Variants in NAPEPLD observed in about 807,000 individuals in gnomAD.
NAPEPLD encodes the protein N-acyl phosphatidylethanolamine phospholipase D, also known as N-acyl-phosphatidylethanolamine-hydrolyzing phospholipase D.
NAPEPLD carries 23 observed loss-of-function variants against 38.1 expected under a neutral mutation model. That is an observed-to-expected ratio of 0.60 (90% CI 0.43 to 0.86). The LOEUF (loss-of-function observed/expected upper bound fraction) is 0.86, where lower values mean the gene tolerates loss of function less well. Among genes scored for constraint, NAPEPLD ranks in the 40% least tolerant of loss-of-function variants. NAPEPLD has a pLI of 0.00. For missense variants in NAPEPLD, 411 were observed against 476.8 expected, an observed-to-expected ratio of 0.86 and a Z score of 1.28; for synonymous variants, 147 against 162.0, an observed-to-expected ratio of 0.91 and a Z score of 0.71.
rs1802648210 is a variant in NAPEPLD at position 103,103,237 on chromosome 7, T to C, written c.*192A>G. 3 of 499,798 alleles carry C rather than the reference T, an allele frequency of 6.0e-6. No homozygotes were observed. Among genetic ancestry groups the C allele is most frequent in the Non-Finnish European group, 1.0e-5 (3 of 300,926 alleles). The allele number at this position is 499,798 out of a possible 1,614,324, so 31.0% of individuals were successfully genotyped here. On this transcript the variant is annotated 3_prime_UTR_variant, in exon 5 of 5. Coordinates refer to ENST00000465647, the MANE Select transcript of NAPEPLD (RefSeq NM_001122838.3). The stretch of plus-strand genomic sequence containing the variant: ...ATTCATTATTTAAATGACCCACCCC[T>C]GAACCCTCTCATAGTGTACATGAGC...
At chr7:103,110,184 A>C (rs10261182) in intron 4 of NAPEPLD, among the ~76,000 whole-genome samples, 4,096 of 152,270 alleles carry the variant, frequency 0.027, 202 homozygotes, top group African/African-American at 0.093. Context: ...ATTCCAAACA[A>C]TAGAAAAAGA....
At chr7:103,135,523 T>TC (rs1809845257) in intron 1 of NAPEPLD, among the ~76,000 whole-genome samples, 1 of 152,084 alleles carries the variant, frequency 6.6e-6, no homozygotes, top group African/African-American at 2.4e-5. Flanking sequence ...ACAACATTCA[T>TC]CAACCAAAAA....
chr7:103,133,800 C>A (rs571286384), intron 1 of NAPEPLD, among the ~76,000 whole-genome samples: 30 of 152,274 alleles, frequency 2.0e-4, no homozygotes, highest in Non-Finnish European at 1.2e-4. Context: ...TGATTTCAGG[C>A]CAACACCAAC....
At chr7:103,141,928 G>A (rs901259102) in intron 1 of NAPEPLD, 1 of 976,700 alleles carries the variant, frequency 1.0e-6, no homozygotes, top group Admixed American at 1.7e-5. Flanking sequence ...TCTGAAGCCT[G>A]AGCATACTCA....
chr7:103,114,864 GT>G (rs11332590), intron 4 of NAPEPLD, among the ~76,000 whole-genome samples, 195 bp downstream of exon 4: 132,207 of 150,904 alleles, frequency 0.88, 60,537 homozygotes, highest in East Asian at 1. Context: ...AGGTTGTGTT[GT>G]TTTTTTTTTC....
intron 2 of NAPEPLD, among the ~76,000 whole-genome samples, chr7:103,125,569 C>T (rs1004728302): frequency 6.6e-6 from 1 of 151,970 alleles, no homozygotes; most frequent in Non-Finnish European, 1.5e-5. Flanking sequence ...TACGACTCTA[C>T]GAGACACAAG....
intron 1 of NAPEPLD, among the ~76,000 whole-genome samples, chr7:103,143,555 T>C (rs1224156929): frequency 6.6e-6 from 1 of 152,106 alleles, no homozygotes; most frequent in Admixed American, 6.5e-5. Context: ...AGAAGTCTCC[T>C]TAAGGGAAAG....
intron 3 of NAPEPLD, 33 bp from the exon 4 acceptor site, chr7:103,115,207 CT>C: frequency 6.7e-7 from 1 of 1,486,500 alleles, no homozygotes. Context: ...TAATTCTGAC[CT>C]TTGAGATATA....
rs1802517545 is a variant in NAPEPLD at position 103,102,286 on chromosome 7, C to T, written c.*1143G>A. On this transcript the variant is annotated 3_prime_UTR_variant, in exon 5 of 5. Transcript: ENST00000465647. ...TTCTAGATTTAAAAACAGAAAATGG[C>T]ATAAATCATATTCTCATAGCCACAC... The T allele has an allele frequency of 6.6e-6, 1 of 151,968 alleles. No individual in the cohort carries two copies. The highest frequency in any genetic ancestry group is 2.4e-5 in the African/African-American group (1 of 41,378). The allele number at this position is 151,968 out of a possible 1,614,324, so 9.4% of individuals were successfully genotyped here.
chr7:103,107,707 A>C (rs1485952494), intron 4 of NAPEPLD, among the ~76,000 whole-genome samples: 1 of 151,906 alleles, frequency 6.6e-6, no homozygotes, highest in Non-Finnish European at 1.5e-5. Flanking sequence ...GAGAAAAAAG[A>C]GTGACAAGAA....
chr7:103,118,844 C>T lies in NAPEPLD; in HGVS notation c.941+733G>A, dbSNP rs368780527. ...GGTGTCCAATGAGAGTGTGACCTTTCGCTGCTCTGAAATAGGTCAATAGTA... is the reference window on the plus strand; with the variant it reads ...GGTGTCCAATGAGAGTGTGACCTTTTGCTGCTCTGAAATAGGTCAATAGTA... On this transcript the variant is annotated intron_variant, in intron 3 of 4. Coordinates refer to ENST00000465647, the MANE Select transcript of NAPEPLD (RefSeq NM_001122838.3). 2.6e-5 allele frequency among the ~76,000 whole-genome samples: 4 copies of T among 152,258 alleles called. No homozygotes were observed. In the East Asian group the frequency reaches 5.8e-4, roughly 22 times the overall value.
chr7:103,101,475 T>G lies in NAPEPLD; in HGVS notation c.*1954A>C, dbSNP rs1040817097. 6.6e-6 allele frequency: 1 copy of G among 152,540 alleles called. No homozygotes were observed. Among genetic ancestry groups the G allele is most frequent in the African/African-American group, 2.4e-5 (1 of 41,458 alleles). The allele number at this position is 152,540 out of a possible 1,614,324, so 9.4% of individuals were successfully genotyped here. A position where few individuals can be genotyped will look rare whatever the true frequency, so the allele number is the denominator to read the frequency against. The stretch of plus-strand genomic sequence containing the variant: ...GTTTTCAATGTTTAGTCTCCTAATA[T>G]ATAATGCTTAAATTTGCAACAGGAA... On this transcript the variant is annotated 3_prime_UTR_variant, in exon 5 of 5. Coordinates refer to ENST00000465647, the MANE Select transcript of NAPEPLD (RefSeq NM_001122838.3).
At chr7:103,112,362 A>G (rs1160107609) in intron 4 of NAPEPLD, among the ~76,000 whole-genome samples, 1 of 152,216 alleles carries the variant, frequency 6.6e-6, no homozygotes, top group Non-Finnish European at 1.5e-5. Context: ...CCAAATGCCC[A>G]TCAATGATAG....
At chr7:103,143,749 T>C (rs1811971852) in intron 1 of NAPEPLD, among the ~76,000 whole-genome samples, 1 of 152,192 alleles carries the variant, frequency 6.6e-6, no homozygotes, top group African/African-American at 2.4e-5. Context: ...TGAGCAATCT[T>C]TCAAATCACA....
rs201063225 is a variant in NAPEPLD, at chr7:103,103,458, A to G, written c.1153T>C (p.Tyr385His). 1.3e-6 allele frequency: 2 copies of G among 1,585,016 alleles called. No homozygotes were observed. Among genetic ancestry groups the G allele is most frequent in the East Asian group, 2.3e-5 (1 of 43,420 alleles). ...AAGTTTTCATCATCATTATTTAGGTATCTTGATTCTCCATGCTTCAAGACA... is the reference window on the plus strand; with the variant it reads ...AAGTTTTCATCATCATTATTTAGGTGTCTTGATTCTCCATGCTTCAAGACA... ...FFVLKHGESRYLNNDDENF is the reference protein window; with the variant it reads ...FFVLKHGESRHLNNDDENF Residue 385 changes from tyrosine (Y) to histidine (H), a missense_variant, in exon 5 of 5, where the codon TAC (tyrosine) becomes CAC (histidine). Transcript: ENST00000465647.
At chr7:103,120,344 T>G (rs1020744918) in intron 2 of NAPEPLD, 121 bp from the exon 3 acceptor site, 5 of 1,032,336 alleles carry the variant, frequency 4.8e-6, no homozygotes, top group Non-Finnish European at 6.8e-6. Context: ...CTAAAGTCAT[T>G]CAATAAACTT....
At position 103,100,183 on chromosome 7, in the gene NAPEPLD, G is replaced by A. The variant is rs1802198326; in HGVS notation, c.*3246C>T. 6.6e-6 allele frequency: 1 copy of A among 152,014 alleles called. No homozygotes were observed. The highest frequency in any genetic ancestry group is 6.6e-5 in the Admixed American group (1 of 15,260). 9.4% of individuals were successfully genotyped at this position (152,014 alleles called of 1,614,324 possible). A position where few individuals can be genotyped will look rare whatever the true frequency, so the allele number is the denominator to read the frequency against. On this transcript the variant is annotated 3_prime_UTR_variant, in exon 5 of 5. Coordinates refer to ENST00000465647, the MANE Select transcript of NAPEPLD (RefSeq NM_001122838.3). ...TAAGGTGAAAACAAAATTCCCAGTG[G>A]GCTAGACATGAACAAAAGTATTCAT...
At chr7:103,146,004 T>C (rs1428691454) in intron 1 of NAPEPLD, among the ~76,000 whole-genome samples, 1 of 151,924 alleles carries the variant, frequency 6.6e-6, no homozygotes, top group Non-Finnish European at 1.5e-5. Flanking sequence ...CACACACATA[T>C]ATGTTCAGAA....
Position 103,103,522 on chromosome 7 carries a change from T to G in NAPEPLD, c.1089A>C (p.Glu363Asp). The change falls in exon 5 of 5, where the codon GAA (glutamate) becomes GAC (aspartate). Residue 363 changes from glutamate to aspartate, a missense_variant. Physicochemically the swap from Glu to Asp is conservative, Grantham distance 45 (BLOSUM62 2). Transcript: ENST00000465647. The stretch of plus-strand genomic sequence containing the variant: ...CGTTAAGTCCGTATCTCTCTAGAGC[T>G]TCATTCAGCTTCACTGGAGGCTCTA... ...HYLEPPVKLN[E>D]ALERYGLNAE... is the part of the protein sequence containing the mutation. 3 of 1,593,504 alleles carry G rather than the reference T, an allele frequency of 1.9e-6. No individual in the cohort carries two copies. The highest frequency in any genetic ancestry group is 2.6e-6 in the Non-Finnish European group (3 of 1,174,756).
Sources: gnomAD v4.1 joint callset for allele counts (sites outside exome capture counted in the v4.1 genomes callset) on GRCh38, gnomAD v4.1.1 for gene constraint, MANE v1.5 for transcripts, NCBI Gene and HGNC (gene_info 2026-07-23, HGNC 2026-07-21) for gene names.